Variants in GPC6 observed in about 807,000 individuals in gnomAD.
GPC6 encodes glypican-6.
Under a neutral mutation model 55.2 loss-of-function variants are expected in GPC6, and 14 were observed. The ratio of observed to expected loss-of-function variants is 0.25; its 90% confidence interval spans 0.17 to 0.40. GPC6 has a LOEUF of 0.40. Ranked by LOEUF, GPC6 falls within the 10% of genes least tolerant of loss-of-function variation. The pLI is 1.00. For synonymous variants in GPC6, 278 were observed against 259.6 expected (o/e 1.07, Z -0.68); for missense variants, 641 against 708.5 (o/e 0.90, Z 1.08).
chr13:94,121,213 C>T (rs1402568563), intron 4 of GPC6, among the ~76,000 whole-genome samples: 1 of 152,124 alleles, frequency 6.6e-6, no homozygotes, highest in Non-Finnish European at 1.5e-5. Context: ...ACCTCTGCCA[C>T]ACCACTTTCT....
At chr13:94,052,250 T>A (rs1883974486) in intron 4 of GPC6, among the ~76,000 whole-genome samples, 1 of 152,056 alleles carries the variant, frequency 6.6e-6, no homozygotes, top group South Asian at 2.1e-4. Flanking sequence ...TAAAAGGAAA[T>A]TGATCAGGGA....
At chr13:93,424,859 C>T (rs1877065318) in intron 1 of GPC6, among the ~76,000 whole-genome samples, 1 of 152,088 alleles carries the variant, frequency 6.6e-6, no homozygotes, top group African/African-American at 2.4e-5. Flanking sequence ...GGAAACAGGA[C>T]CACATTTGAA....
Position 94,048,182 on chromosome 13 carries a change from C to T in GPC6, c.877+20288C>T, listed in dbSNP as rs114672466. On this transcript the variant is annotated intron_variant, in intron 4 of 8. Transcript: ENST00000377047. ...GTGGGAAAATGAGATGATGCCTAGC[C>T]TTTTCAAACCTTCAGGCATAAGAAT... Among the ~76,000 whole-genome samples, 759 of 152,018 alleles carry T rather than the reference C, an allele frequency of 5.0e-3. 11 individuals are homozygous for T. Among genetic ancestry groups the T allele is most frequent in the African/African-American group, 0.018 (729 of 41,472 alleles).
intron 2 of GPC6, among the ~76,000 whole-genome samples, chr13:93,810,300 C>T (rs991515078): frequency 6.6e-5 from 10 of 152,186 alleles, no homozygotes; most frequent in Admixed American, 1.3e-4. Context: ...ACCTTTCTAT[C>T]ACTTTTCTAA....
At chr13:94,338,718 G>T (rs1433462005) in intron 6 of GPC6, among the ~76,000 whole-genome samples, 1 of 152,122 alleles carries the variant, frequency 6.6e-6, no homozygotes, top group Admixed American at 6.5e-5. Flanking sequence ...AATGGAGTCC[G>T]AGTGGCCAGA....
chr13:94,221,362 T>C (rs1890378244), intron 4 of GPC6, among the ~76,000 whole-genome samples: 1 of 152,080 alleles, frequency 6.6e-6, no homozygotes, highest in Admixed American at 6.6e-5. Flanking sequence ...CAAATGAAAC[T>C]AATAAAACTG....
chr13:93,388,886 T>A (rs903020318), intron 1 of GPC6, among the ~76,000 whole-genome samples: 1 of 152,228 alleles, frequency 6.6e-6, no homozygotes, highest in Non-Finnish European at 1.5e-5. Context: ...AAAGGACTTA[T>A]GAGTGTGTGA....
At chr13:94,348,388 C>G (rs918196801) in intron 6 of GPC6, among the ~76,000 whole-genome samples, 1 of 152,174 alleles carries the variant, frequency 6.6e-6, no homozygotes, top group African/African-American at 2.4e-5. Flanking sequence ...TTGCAAATCA[C>G]CTGAAGATCT....
chr13:93,894,651 A>G (rs183305289), intron 3 of GPC6, among the ~76,000 whole-genome samples: 1 of 152,286 alleles, frequency 6.6e-6, no homozygotes, highest in East Asian at 1.9e-4. Context: ...TCTTATTCAG[A>G]GAAGATTGTC....
intron 3 of GPC6, among the ~76,000 whole-genome samples, chr13:93,905,305 C>T (rs139929034): frequency 2.9e-4 from 44 of 152,078 alleles, no homozygotes; most frequent in Non-Finnish European, 4.1e-4. Context: ...CTTAGTAAAC[C>T]GCTCTGTGAA....
intron 4 of GPC6, among the ~76,000 whole-genome samples, chr13:94,217,150 C>A (rs937693195): frequency 1.1e-4 from 16 of 152,112 alleles, no homozygotes; most frequent in African/African-American, 3.9e-4. Flanking sequence ...TGCAGTGATC[C>A]ACACTTTGTA....
At chr13:93,324,295 G>C (rs1879562896) in intron 1 of GPC6, among the ~76,000 whole-genome samples, 1 of 151,932 alleles carries the variant, frequency 6.6e-6, no homozygotes, top group African/African-American at 2.4e-5. Flanking sequence ...ACCAGAGGCT[G>C]GGAATGGTAG....
intron 4 of GPC6, among the ~76,000 whole-genome samples, chr13:94,049,638 T>C (rs1037768820): frequency 2.6e-5 from 4 of 152,150 alleles, no homozygotes; most frequent in Admixed American, 2.0e-4. Flanking sequence ...AGTCATTCCA[T>C]TGAGACTTTC....
At position 93,830,612 on chromosome 13, in the gene GPC6, T is replaced by TAA. The variant is rs369020255; in HGVS notation, c.711+92_711+93dup. On this transcript the variant is annotated intron_variant, in intron 3 of 8. Transcript: ENST00000377047. ...TTATTCTGTTTTTAAAACCAATGTT[T>TAA]AAAAAAAAAAAAAAAAAAAAAAAAA... 8,617 of 324,942 alleles carry TAA rather than the reference T, an allele frequency of 0.027. 148 individuals are homozygous for TAA. Among genetic ancestry groups the TAA allele is most frequent in the African/African-American group, 0.092 (2,504 of 27,280 alleles). The allele number at this position is 324,942 out of a possible 1,614,324, so 20.1% of individuals were successfully genotyped here.
intron 6 of GPC6, among the ~76,000 whole-genome samples, chr13:94,322,814 A>C (rs1191850560): frequency 6.6e-6 from 1 of 152,126 alleles, no homozygotes; most frequent in Non-Finnish European, 1.5e-5. Context: ...TGTGGGTTGC[A>C]GAACCAGAGT....
At chr13:93,526,637 A>G (rs964399952) in intron 1 of GPC6, among the ~76,000 whole-genome samples, 1 of 152,102 alleles carries the variant, frequency 6.6e-6, no homozygotes, top group African/African-American at 2.4e-5. Context: ...TAGGAGATGC[A>G]ATGACATAGG....
At chr13:93,907,940 G>C (rs114205284) in intron 3 of GPC6, among the ~76,000 whole-genome samples, 2 of 151,954 alleles carry the variant, frequency 1.3e-5, no homozygotes, top group Non-Finnish European at 2.9e-5. Flanking sequence ...CCTGTCTATT[G>C]GTATGACAGG....
chr13:94,172,410 T>C (rs1004792653), intron 4 of GPC6, among the ~76,000 whole-genome samples: 6 of 152,182 alleles, frequency 3.9e-5, no homozygotes, highest in African/African-American at 1.4e-4. Context: ...TAGCTTACCA[T>C]TTTCATGGTA....
intron 3 of GPC6, among the ~76,000 whole-genome samples, chr13:93,998,113 G>C (rs1054808151): frequency 6.6e-6 from 1 of 152,166 alleles, no homozygotes; most frequent in African/African-American, 2.4e-5. Context: ...AAATCATCTT[G>C]AAACGATGTG....
Sources: gnomAD v4.1 joint callset for allele counts (sites outside exome capture counted in the v4.1 genomes callset) on GRCh38, gnomAD v4.1.1 for gene constraint, MANE v1.5 for transcripts, NCBI Gene and HGNC (gene_info 2026-07-23, HGNC 2026-07-21) for gene names.